Variants in ZNF132 observed in about 807,000 individuals in gnomAD.
ZNF132 encodes the protein zinc finger protein 132.
In ZNF132, 6 loss-of-function variants were observed where a neutral mutation model predicts 9.3. That is an observed-to-expected ratio of 0.65 (90% CI 0.35 to 1.28). The LOEUF is 1.28. Among genes scored for constraint, ZNF132 ranks in the 50% most tolerant of loss-of-function variants. The pLI, the probability that ZNF132 is intolerant of heterozygous loss-of-function variation, is 0.03. For synonymous variants in ZNF132, 296 were observed against 292.0 expected, an observed-to-expected ratio of 1.01 and a Z score of -0.14; for missense variants, 877 against 843.2, an observed-to-expected ratio of 1.04 and a Z score of -0.50.
Position 58,437,132 on chromosome 19 carries a change from T to A in ZNF132, c.147A>T (p.Gln49His). Residue 49 changes from glutamine (Q) to histidine (H), a missense_variant, in exon 2 of 3, where the codon CAA (glutamine) becomes CAT (histidine). Gln to His is a conservative substitution (Grantham distance 24, BLOSUM62 0). Transcript: ENST00000254166. ...TFEDVAVYFS[Q>H]EEWELLDAAQ... ...CTGCATCAAGGAGCTCCCACTCCTCTTGGGAGAAGTATACAGCCACATCTT... is the reference window on the plus strand; with the variant it reads ...CTGCATCAAGGAGCTCCCACTCCTCATGGGAGAAGTATACAGCCACATCTT... The A allele has an allele frequency of 6.2e-7, 1 of 1,614,144 alleles. No homozygotes were observed. Among genetic ancestry groups the A allele is most frequent in the African/African-American group, 1.3e-5 (1 of 75,018 alleles).
chr19:58,434,311 A>C lies in ZNF132; in HGVS notation c.1133T>G (p.Leu378Arg). ...VHTGERPFECLKCGRAFSQSS... is the reference protein window; with the variant it reads ...VHTGERPFECRKCGRAFSQSS... ...TTGGCTGAAGGCTCTTCCACATTTC[A>C]GGCACTCAAAAGGCCTTTCTCCAGT... The change falls in exon 3 of 3, where the codon CTG becomes CGG. Residue 378 changes from leucine to arginine, a missense_variant. Transcript: ENST00000254166. 1.2e-6 allele frequency: 2 copies of C among 1,613,562 alleles called. No individual in the cohort carries two copies. The highest frequency in any genetic ancestry group is 1.7e-6 in the Non-Finnish European group (2 of 1,179,882).
chr19:58,437,241 A>AAAT, intron 1 of ZNF132, 26 bp from the exon 2 acceptor site: 1 of 1,566,288 alleles, frequency 6.4e-7, no homozygotes, highest in Non-Finnish European at 8.6e-7. Context: ...ACAATTGGTC[A>AAAT]AATGGAAATA....
At position 58,434,745 on chromosome 19, in the gene ZNF132, C is replaced by T. The variant is rs1404210249; in HGVS notation, c.699G>A (p.Gln233=). 4 of 1,614,076 alleles carry T rather than the reference C, an allele frequency of 2.5e-6. No individual in the cohort carries two copies. The East Asian group carries it at 8.9e-5, about 36-fold the overall frequency. Residue 233 remains glutamine, a synonymous_variant, in exon 3 of 3, where the codon CAG becomes CAA. Coordinates refer to ENST00000254166, the MANE Select transcript of ZNF132 (RefSeq NM_003433.4). Reference sequence around the variant, plus strand: ...CACAGTTGCTGCACTCGAAGAGTTTCTGTGTGGTACAGACTTCTGGAAGCT... The same window carrying T: ...CACAGTTGCTGCACTCGAAGAGTTTTTGTGTGGTACAGACTTCTGGAAGCT... ...LGQLPEVCTT[Q]KLFECSNCGK... is the part of the protein sequence containing the mutation.
rs1226191771 is a variant in ZNF132, at chr19:58,435,170, GC to G, written c.273del (p.Lys91AsnfsTer6). The G allele has an allele frequency of 6.2e-7, 1 of 1,614,120 alleles. No individual in the cohort carries two copies. Among genetic ancestry groups the G allele is most frequent in the South Asian group, 1.1e-5 (1 of 91,086 alleles). On this transcript the variant is annotated frameshift_variant, in exon 3 of 3. Transcript: ENST00000254166. LOFTEE classifies it low-confidence loss of function (END_TRUNC). Reference protein sequence around the residue: ...HGVEGEGAHPKQNVSVEVLQV... With the variant: ...HGVEGEGAHPXQNVSVEVLQV... ...TGTAACACTTCTACAGAAACATTCT[GC>G]TTGGGATGGGCCCCCTCACCCTCTA...
In ZNF132 at chr19:58,435,335, A is replaced by G. The variant is rs2052767525; in HGVS notation, c.233-124T>C. 7.2e-6 allele frequency: 8 copies of G among 1,109,898 alleles called. No individual in the cohort carries two copies. In the South Asian group the frequency reaches 1.3e-4, roughly 18 times the overall value. 68.8% of individuals were successfully genotyped at this position (1,109,898 alleles called of 1,614,324 possible). ...TCCCAGGGATTGCTGACAGGCCAAC[A>G]GGGCCATCATCAGGGTGAAGAAGGG... On this transcript the variant is annotated intron_variant, in intron 2 of 2. Transcript: ENST00000254166.
chr19:58,436,330 G>C (rs182623718), intron 2 of ZNF132: 3 of 154,208 alleles, frequency 1.9e-5, no homozygotes, highest in Admixed American at 1.3e-4. Context: ...TACTTTAAAA[G>C]GTGAATTGTA....
Position 58,435,121 on chromosome 19 carries a change from G to A in ZNF132, c.323C>T (p.Pro108Leu). The change falls in exon 3 of 3, where the codon CCT (proline) becomes CTT (leucine). Residue 108 changes from proline (P) to leucine (L), a missense_variant. Pro to Leu is a moderately conservative substitution (Grantham distance 98). Coordinates refer to ENST00000254166, the MANE Select transcript of ZNF132 (RefSeq NM_003433.4). Reference protein sequence around the residue: ...VLQVRIPNADPSTKKANSCDM... With the variant: ...VLQVRIPNADLSTKKANSCDM... Reference sequence around the variant, plus strand: ...ACAGGAGTTAGCTTTCTTGGTGGAAGGATCTGCATTAGGGATCCTGACCTG... The same window carrying A: ...ACAGGAGTTAGCTTTCTTGGTGGAAAGATCTGCATTAGGGATCCTGACCTG... 1 of 1,614,172 alleles carries A rather than the reference G, an allele frequency of 6.2e-7. No individual in the cohort carries two copies. Among genetic ancestry groups the A allele is most frequent in the South Asian group, 1.1e-5 (1 of 91,088 alleles).
intron 2 of ZNF132, among the ~76,000 whole-genome samples, chr19:58,436,518 A>T (rs191789831): frequency 0.025 from 3,786 of 151,894 alleles, 154 homozygotes; most frequent in African/African-American, 0.084. Context: ...TACAAAAAAA[A>T]TTAGCTGGGT....
chr19:58,435,497 T>A (rs1408408668), intron 2 of ZNF132: 2 of 292,404 alleles, frequency 6.8e-6, no homozygotes, highest in African/African-American at 4.4e-5. Flanking sequence ...AAATGGCCAA[T>A]AAGCATATGA....
chr19:58,439,932 C>G lies in ZNF132; in HGVS notation c.-111G>C. 1 of 1,154,222 alleles carries G rather than the reference C, an allele frequency of 8.7e-7. No individual in the cohort carries two copies. Among genetic ancestry groups the G allele is most frequent in the Non-Finnish European group, 1.2e-6 (1 of 818,012 alleles). The allele number at this position is 1,154,222 out of a possible 1,614,324, so 71.5% of individuals were successfully genotyped here. The stretch of plus-strand genomic sequence containing the variant: ...CAAATGCAAAATGCGCGCAAGGCCT[C>G]TGGGCACCGCAGGGACGAAGGCTGG... On this transcript the variant is annotated 5_prime_UTR_variant, in exon 1 of 3. Transcript: ENST00000254166.
rs561159599 is a variant in ZNF132, at chr19:58,437,095, G to A, written c.184C>T (p.Leu62=). The change falls in exon 2 of 3, where the codon CTG becomes TTG. Residue 62 remains leucine (L), a synonymous_variant. Coordinates refer to ENST00000254166, the MANE Select transcript of ZNF132 (RefSeq NM_003433.4). The part of the protein sequence containing the change: ...WELLDAAQRH[L]YHSVMLENLE... ...TTTTCCAGCATCACACTGTGGTACA[G>A]GTGCCTCTGGGCTGCATCAAGGAGC... 9.4e-5 allele frequency: 151 copies of A among 1,614,178 alleles called. 1 individual carries two copies. The South Asian group carries it at 1.6e-3, about 17-fold the overall frequency.
rs766670597 is a variant in ZNF132 at position 58,434,133 on chromosome 19, T to C, written c.1311A>G (p.Gly437=). 52 of 1,612,288 alleles carry C rather than the reference T, an allele frequency of 3.2e-5. No individual in the cohort carries two copies. Among genetic ancestry groups the C allele is most frequent in the Non-Finnish European group, 4.2e-5 (50 of 1,179,474 alleles). ...GERPYECSEC[G]RAFNNNSNLA... ...GGTTGGAGTTATTGTTAAAAGCTCT[T>C]CCACATTCACTGCATTCATACGGTC... Residue 437 remains glycine (G), a synonymous_variant, in exon 3 of 3, where the codon GGA becomes GGG. Coordinates refer to ENST00000254166, the MANE Select transcript of ZNF132 (RefSeq NM_003433.4).
At position 58,433,461 on chromosome 19, in the gene ZNF132, TC is replaced by T; in HGVS notation, c.1982del (p.Gly661GlufsTer81). On this transcript the variant is annotated frameshift_variant, in exon 3 of 3. Coordinates refer to ENST00000254166, the MANE Select transcript of ZNF132 (RefSeq NM_003433.4). LOFTEE classifies it low-confidence loss of function (END_TRUNC). Reference protein sequence around the residue: ...QERPYECIQCGKAFSERSTLV... With the variant: ...QERPYECIQCXKAFSERSTLV... ...GTGTAGATCTTTCACTAAAGGCTTT[TC>T]CACACTGGATGCACTCATAGGGCCT... 1 of 1,570,798 alleles carries T rather than the reference TC, an allele frequency of 6.4e-7. No homozygotes were observed. The highest frequency in any genetic ancestry group is 1.5e-5 in the African/African-American group (1 of 68,280).
rs945279442 is a variant in ZNF132 at position 58,436,919 on chromosome 19, A to G, written c.232+128T>C. On this transcript the variant is annotated intron_variant, in intron 2 of 2. Coordinates refer to ENST00000254166, the MANE Select transcript of ZNF132 (RefSeq NM_003433.4). ...ACACACAGCAGAACCTCAGCACCCC[A>G]GCACCTACAACAGGAAACCCGAGAA... The G allele has an allele frequency of 3.1e-6, 4 of 1,289,762 alleles. No individual in the cohort carries two copies. The African/African-American group carries it at 5.8e-5, about 19-fold the overall frequency. 79.9% of individuals were successfully genotyped at this position (1,289,762 alleles called of 1,614,324 possible).
In ZNF132 at chr19:58,434,337, G is replaced by A; in HGVS notation, c.1107C>T (p.His369=). The change falls in exon 3 of 3, where the codon CAC becomes CAT. Residue 369 remains histidine (H), a synonymous_variant. Coordinates refer to ENST00000254166, the MANE Select transcript of ZNF132 (RefSeq NM_003433.4). The stretch of plus-strand genomic sequence containing the variant: ...GGCACTCAAAAGGCCTTTCTCCAGT[G>A]TGAACTTTCTCATGCCGAATGAGGT... ...RSHLIRHEKV[H]TGERPFECLK... 3 of 1,614,254 alleles carry A rather than the reference G, an allele frequency of 1.9e-6. No individual in the cohort carries two copies. Among genetic ancestry groups the A allele is most frequent in the Non-Finnish European group, 2.5e-6 (3 of 1,180,054 alleles).
intron 2 of ZNF132, 120 bp downstream of exon 2, chr19:58,436,927 C>T: frequency 7.1e-7 from 1 of 1,415,054 alleles, no homozygotes; most frequent in Non-Finnish European, 9.9e-7. Context: ...CCAGCACCTA[C>T]AACAGGAAAC....
rs748303652 is a variant in ZNF132 at position 58,439,748 on chromosome 19, A to G, written c.63+11T>C. 1.3e-6 allele frequency: 2 copies of G among 1,523,150 alleles called. No individual in the cohort carries two copies. Among genetic ancestry groups the G allele is most frequent in the Non-Finnish European group, 1.8e-6 (2 of 1,135,708 alleles). The allele number at this position is 1,523,150 out of a possible 1,614,324, so 94.4% of individuals were successfully genotyped here. On this transcript the variant is annotated intron_variant, in intron 1 of 2. Transcript: ENST00000254166. ...CCCAGCGGGTGAGGGCCTGGGGCAC[A>G]CTCCACTTACCTGCGCCGGGCCCAT...
intron 2 of ZNF132, chr19:58,436,260 A>G (rs1042343806): frequency 1.4e-4 from 22 of 154,296 alleles, no homozygotes; most frequent in African/African-American, 5.3e-4. Flanking sequence ...AAAACATGCT[A>G]AAATTACATT....
At chr19:58,436,952 G>C (rs747828821) in intron 2 of ZNF132, 95 bp downstream of exon 2, 15 of 1,549,154 alleles carry the variant, frequency 9.7e-6, no homozygotes, top group Non-Finnish European at 2.7e-6. Flanking sequence ...GAAGGAAGCA[G>C]TACCCATGAT....
Sources: gnomAD v4.1 joint callset for allele counts (sites outside exome capture counted in the v4.1 genomes callset) on GRCh38, gnomAD v4.1.1 for gene constraint, MANE v1.5 for transcripts, NCBI Gene and HGNC (gene_info 2026-07-23, HGNC 2026-07-21) for gene names.